The following FAM171A1 variants were observed in gnomAD, a reference collection of about 807,000 sequenced individuals.
The protein encoded by FAM171A1 is family with sequence similarity 171 member A1, also known as protein FAM171A1.
A neutral mutation model predicts 74.9 loss-of-function variants in FAM171A1; 23 were observed. The ratio of observed to expected loss-of-function variants is 0.31; its 90% CI spans 0.22 to 0.44. FAM171A1 has a LOEUF of 0.44. Among genes scored for constraint, FAM171A1 ranks in the 20% least tolerant of loss-of-function variants. The probability of loss-of-function intolerance (pLI) is 1.00; values close to 1 mark genes in which losing one functional copy is unlikely to be tolerated. For synonymous variants in FAM171A1, 527 were observed against 505.7 expected (o/e 1.04, Z -0.57); for missense variants, 1,162 against 1,159.2 (o/e 1.00, Z -0.03).
chr10:15,243,840 G>A (rs920991339), intron 5 of FAM171A1, among the ~76,000 whole-genome samples: 3 of 151,500 alleles, frequency 2.0e-5, no homozygotes, highest in Admixed American at 6.6e-5. Context: ...TCTGCCTCCC[G>A]GGTTTACTTA....
At chr10:15,285,143 G>A (rs1588533586) in intron 1 of FAM171A1, among the ~76,000 whole-genome samples, 1 of 152,202 alleles carries the variant, frequency 6.6e-6, no homozygotes, top group Admixed American at 6.5e-5. Flanking sequence ...TACAGTGAAG[G>A]AGAGGATGCG....
At chr10:15,283,190 G>A (rs1297115121) in intron 2 of FAM171A1, among the ~76,000 whole-genome samples, 1 of 152,270 alleles carries the variant, frequency 6.6e-6, no homozygotes, top group East Asian at 1.9e-4. Context: ...CACCATCAGT[G>A]CAATCAACTT....
At chr10:15,241,249 A>G (rs78047631) in intron 5 of FAM171A1, 11,510 of 152,286 alleles carry the variant, frequency 0.076, 489 homozygotes, top group Middle Eastern at 0.18. Flanking sequence ...AAATATGGAC[A>G]TTGGGGCTGT....
At chr10:15,233,035 C>T (rs546389305) in intron 5 of FAM171A1, among the ~76,000 whole-genome samples, 1 of 152,344 alleles carries the variant, frequency 6.6e-6, no homozygotes, top group South Asian at 2.1e-4. Context: ...TGGCTCACGC[C>T]TGTAATCCCA....
chr10:15,324,850 A>C (rs1419489735), intron 1 of FAM171A1, among the ~76,000 whole-genome samples: 1 of 152,240 alleles, frequency 6.6e-6, no homozygotes, highest in Non-Finnish European at 1.5e-5. Flanking sequence ...AACATATCAC[A>C]GGCAGACCAA....
At chr10:15,268,937 G>A (rs1317947994) in intron 3 of FAM171A1, among the ~76,000 whole-genome samples, 2 of 152,164 alleles carry the variant, frequency 1.3e-5, no homozygotes, top group African/African-American at 2.4e-5. Context: ...AGCTACTGGG[G>A]AGGCTGATGC....
rs1394133966 is a variant in FAM171A1, at chr10:15,371,061, C to T, written c.-9G>A. 1.9e-6 allele frequency: 2 copies of T among 1,079,248 alleles called. No individual in the cohort carries two copies. Among genetic ancestry groups the T allele is most frequent in the African/African-American group, 1.7e-5 (1 of 58,452 alleles). 66.9% of individuals were successfully genotyped at this position (1,079,248 alleles called of 1,614,324 possible). On this transcript the variant is annotated 5_prime_UTR_variant, in exon 1 of 8. Transcript: ENST00000378116. ...GTCGCGGACCTGCTCATCTCCGCCG[C>T]GGGGCCGGCGGCGGCTCGGGCTCGC...
chr10:15,369,753 A>G (rs7912082), intron 1 of FAM171A1, among the ~76,000 whole-genome samples: 20,875 of 152,234 alleles, frequency 0.14, 1,553 homozygotes, highest in African/African-American at 0.2. Context: ...CACCCTGAGC[A>G]TGTTAGCCGA....
At chr10:15,287,995 C>G (rs1472450940) in intron 1 of FAM171A1, among the ~76,000 whole-genome samples, 1 of 152,198 alleles carries the variant, frequency 6.6e-6, no homozygotes, top group Non-Finnish European at 1.5e-5. Context: ...AGCTCCCACT[C>G]AGGAGTGAGA....
chr10:15,235,398 T>C (rs1255225828), intron 5 of FAM171A1, among the ~76,000 whole-genome samples: 1 of 148,000 alleles, frequency 6.8e-6, no homozygotes, highest in East Asian at 2.1e-4. Flanking sequence ...CCTGCCTCAA[T>C]ATTACTGAAC....
At chr10:15,241,770 T>C (rs1350705883) in intron 5 of FAM171A1, 1 of 152,206 alleles carries the variant, frequency 6.6e-6, no homozygotes, top group East Asian at 1.9e-4. Context: ...ATCCACCCTC[T>C]TAGTAAATTT....
In FAM171A1 at chr10:15,212,624, G is replaced by A; in HGVS notation, c.*291C>T. On this transcript the variant is annotated 3_prime_UTR_variant, in exon 8 of 8. Coordinates refer to ENST00000378116, the MANE Select transcript of FAM171A1 (RefSeq NM_001010924.2). ...TCGTTAGAGCATAGCGACATCACGTGCGGTTTCTTAATGTCCCTGGTGGCG... is the reference window on the plus strand; with the variant it reads ...TCGTTAGAGCATAGCGACATCACGTACGGTTTCTTAATGTCCCTGGTGGCG... 1 of 450,438 alleles carries A rather than the reference G, an allele frequency of 2.2e-6. No individual in the cohort carries two copies. Among genetic ancestry groups the A allele is most frequent in the Non-Finnish European group, 4.0e-6 (1 of 251,840 alleles). 27.9% of individuals were successfully genotyped at this position (450,438 alleles called of 1,614,324 possible).
At chr10:15,266,240 T>C (rs1834738510) in intron 3 of FAM171A1, among the ~76,000 whole-genome samples, 3 of 152,172 alleles carry the variant, frequency 2.0e-5, no homozygotes, top group East Asian at 1.9e-4. Flanking sequence ...CTTAGTTCAA[T>C]CCCAGGAAAA....
At chr10:15,357,658 T>C (rs940731245) in intron 1 of FAM171A1, among the ~76,000 whole-genome samples, 13 of 152,212 alleles carry the variant, frequency 8.5e-5, no homozygotes, top group African/African-American at 2.4e-4. Flanking sequence ...ATTAATGAGA[T>C]ACATGCTGAA....
intron 1 of FAM171A1, among the ~76,000 whole-genome samples, chr10:15,306,293 G>T (rs1187511320): frequency 6.6e-6 from 1 of 152,008 alleles, no homozygotes; most frequent in Non-Finnish European, 1.5e-5. Flanking sequence ...TATTTAAATT[G>T]TGCAGAGGAA....
At chr10:15,350,825 TAGAGAC>T (rs1835868974) in intron 1 of FAM171A1, among the ~76,000 whole-genome samples, 1 of 152,152 alleles carries the variant, frequency 6.6e-6, no homozygotes, top group Admixed American at 6.5e-5. Context: ...GTATTTTTAA[TAGAGAC>T]AGGGTTTCGC....
At chr10:15,221,140 T>C (rs1834034595) in intron 5 of FAM171A1, 80 bp from the exon 6 acceptor site, 2 of 1,154,874 alleles carry the variant, frequency 1.7e-6, no homozygotes, top group Non-Finnish European at 2.5e-6. Flanking sequence ...AAAAGTCATC[T>C]TAAATATCTT....
chr10:15,216,975 T>C (rs1451597037), intron 6 of FAM171A1, among the ~76,000 whole-genome samples: 1 of 152,174 alleles, frequency 6.6e-6, no homozygotes, highest in Non-Finnish European at 1.5e-5. Context: ...GTCAGCAACT[T>C]TTAACACTTA....
intron 2 of FAM171A1, among the ~76,000 whole-genome samples, 171 bp from the exon 3 acceptor site, chr10:15,276,118 A>T (rs1834891049): frequency 6.6e-6 from 1 of 152,186 alleles, no homozygotes; most frequent in Admixed American, 6.5e-5. Flanking sequence ...AGTGTATTGC[A>T]GTATCTCATA....
Sources: allele counts gnomAD v4.1 joint callset (sites outside exome capture counted in the v4.1 genomes callset), GRCh38; gene constraint gnomAD v4.1.1; transcripts MANE v1.5; gene names NCBI Gene and HGNC (gene_info 2026-07-23, HGNC 2026-07-21).